AGBL4: variants seen among roughly 807,000 people sequenced by gnomAD.
AGBL4 encodes the protein cytosolic carboxypeptidase 6.
AGBL4 carries 58 observed loss-of-function variants against 66.4 expected under a neutral mutation model. The ratio of observed to expected loss-of-function variants is 0.87; its 90% CI spans 0.71 to 1.09. The LOEUF is 1.09. Among genes scored for constraint, AGBL4 ranks in the 50% least tolerant of loss-of-function variants. The pLI is 0.00. For missense variants in AGBL4, 579 were observed against 631.0 expected, an observed-to-expected ratio of 0.92 and a Z score of 0.88; for synonymous variants, 234 against 222.9, an observed-to-expected ratio of 1.05 and a Z score of -0.44.
chr1:48,563,104 T>G (rs1000154611), intron 11 of AGBL4, among the ~76,000 whole-genome samples: 8 of 152,204 alleles, frequency 5.3e-5, no homozygotes, highest in African/African-American at 1.9e-4. Flanking sequence ...CCCCAATATC[T>G]TTGGCTGTGC....
intron 3 of AGBL4, among the ~76,000 whole-genome samples, chr1:49,618,726 A>C (rs1422297675): frequency 1.3e-5 from 2 of 152,208 alleles, no homozygotes; most frequent in Non-Finnish European, 2.9e-5. Flanking sequence ...CCTCAATAAA[A>C]TACTGGCAAA....
intron 11 of AGBL4, among the ~76,000 whole-genome samples, chr1:48,576,431 A>T (rs115166323): frequency 0.039 from 5,935 of 152,262 alleles, 142 homozygotes; most frequent in Middle Eastern, 0.071. Context: ...TGACCAAAGC[A>T]TATATGTAGC....
intron 5 of AGBL4, among the ~76,000 whole-genome samples, chr1:49,042,965 A>G (rs1448418276): frequency 6.6e-6 from 1 of 152,132 alleles, no homozygotes; most frequent in Non-Finnish European, 1.5e-5. Context: ...CTGCCTAGTC[A>G]TAAATCTAAG....
chr1:49,559,700 C>A (rs1169889087), intron 3 of AGBL4, among the ~76,000 whole-genome samples: 2 of 152,104 alleles, frequency 1.3e-5, no homozygotes, highest in African/African-American at 4.8e-5. Flanking sequence ...CTTTTGGAGT[C>A]TTGAACTTAC....
intron 3 of AGBL4, among the ~76,000 whole-genome samples, chr1:49,246,277 AG>A (rs1246521086): frequency 2.6e-5 from 4 of 152,132 alleles, no homozygotes; most frequent in African/African-American, 7.2e-5. Context: ...TTAGTTATTA[AG>A]TGTATCCTTT....
chr1:49,965,389 G>A (rs992058537), intron 1 of AGBL4, among the ~76,000 whole-genome samples: 5 of 152,194 alleles, frequency 3.3e-5, no homozygotes. Context: ...GAAGAGGCAT[G>A]AGTAGAAAGC....
intron 2 of AGBL4, among the ~76,000 whole-genome samples, chr1:49,707,367 CTTTTTT>C (rs34368394): frequency 1.2e-4 from 9 of 76,220 alleles, no homozygotes; most frequent in African/African-American, 3.5e-4. Context: ...GCAACCCCTG[CTTTTTT>C]TTTTTTTTTT....
rs112566994 is a variant in AGBL4, at chr1:48,934,988, T to G, written c.595-67758A>C. Among the ~76,000 whole-genome samples, 1,107 of 152,310 alleles carry G rather than the reference T, an allele frequency of 7.3e-3. 19 individuals are homozygous for G. The highest frequency in any genetic ancestry group is 0.025 in the African/African-American group (1,028 of 41,562). ...TCAAACTTCTACTTCATATTTTCAG[T>G]CGTTCATTCATTCATTCAACAAAGA... is the stretch of plus-strand genomic sequence containing the variant. On this transcript the variant is annotated intron_variant, in intron 5 of 13. Coordinates refer to ENST00000371839, the MANE Select transcript of AGBL4 (RefSeq NM_032785.4).
At chr1:49,525,334 G>A (rs1003448678) in intron 3 of AGBL4, among the ~76,000 whole-genome samples, 5 of 151,938 alleles carry the variant, frequency 3.3e-5, no homozygotes, top group Admixed American at 6.6e-5. Context: ...GAGTGGTCAG[G>A]GAAAGCTTGC....
At chr1:48,534,336 T>C in intron 13 of AGBL4, 43 bp from the exon 14 acceptor site, 3 of 1,521,918 alleles carry the variant, frequency 2.0e-6, no homozygotes, top group East Asian at 2.5e-5. Context: ...ACAGCCCATA[T>C]ACACACTGTG....
intron 4 of AGBL4, among the ~76,000 whole-genome samples, chr1:49,177,497 G>A (rs1173686129): frequency 6.6e-6 from 1 of 152,074 alleles, no homozygotes; most frequent in Non-Finnish European, 1.5e-5. Flanking sequence ...CCTATTTGCT[G>A]ATGAAAAAAC....
At chr1:48,737,213 G>T (rs1649204573) in intron 6 of AGBL4, among the ~76,000 whole-genome samples, 2 of 152,162 alleles carry the variant, frequency 1.3e-5, no homozygotes, top group South Asian at 4.2e-4. Flanking sequence ...GAACCTGGGA[G>T]GAAGAGGTTG....
chr1:49,940,507 A>G (rs1394795595), intron 1 of AGBL4, among the ~76,000 whole-genome samples: 4 of 152,314 alleles, frequency 2.6e-5, no homozygotes, highest in African/African-American at 9.6e-5. Flanking sequence ...TACACCATGG[A>G]ATACTATGCA....
intron 3 of AGBL4, among the ~76,000 whole-genome samples, chr1:49,291,062 C>A (rs1181880061): frequency 6.6e-6 from 1 of 152,172 alleles, no homozygotes; most frequent in Non-Finnish European, 1.5e-5. Context: ...CTTTTATCTG[C>A]AGGTTCTGCA....
intron 1 of AGBL4, among the ~76,000 whole-genome samples, chr1:50,022,402 G>A (rs1662509586): frequency 2.0e-5 from 3 of 152,152 alleles, no homozygotes; most frequent in African/African-American, 4.8e-5. Flanking sequence ...GATATTTGTT[G>A]AGTGGATGAA....
At chr1:49,025,223 G>A (rs949904629) in intron 5 of AGBL4, among the ~76,000 whole-genome samples, 3 of 152,190 alleles carry the variant, frequency 2.0e-5, no homozygotes, top group Admixed American at 6.5e-5. Context: ...AGAGGAGTGA[G>A]TTGCAGTGGA....
chr1:49,081,942 G>C (rs1022326623), intron 4 of AGBL4, among the ~76,000 whole-genome samples: 4 of 152,154 alleles, frequency 2.6e-5, no homozygotes, highest in Non-Finnish European at 5.9e-5. Context: ...CATTTAAAAA[G>C]AAGGCTGGAT....
chr1:49,718,171 G>T (rs2124679438), intron 2 of AGBL4, among the ~76,000 whole-genome samples: 1 of 152,144 alleles, frequency 6.6e-6, no homozygotes, highest in Admixed American at 6.6e-5. Context: ...TGGGTCATAA[G>T]GGAGGATCTT....
chr1:49,482,706 A>T (rs1385465401), intron 3 of AGBL4, among the ~76,000 whole-genome samples: 3 of 151,788 alleles, frequency 2.0e-5, no homozygotes, highest in Non-Finnish European at 4.4e-5. Flanking sequence ...TAGTTCTTCT[A>T]GTTGTGATAT....
Sources: allele counts gnomAD v4.1 joint callset (sites outside exome capture counted in the v4.1 genomes callset), GRCh38; gene constraint gnomAD v4.1.1; transcripts MANE v1.5; gene names NCBI Gene and HGNC (gene_info 2026-07-23, HGNC 2026-07-21).